The following CACNA1D variants were observed in gnomAD, a reference collection of about 807,000 sequenced individuals.
CACNA1D encodes calcium voltage-gated channel subunit alpha1 D.
A neutral mutation model predicts 257.1 loss-of-function variants in CACNA1D; 55 were observed. The ratio of observed to expected loss-of-function variants is 0.21; its 90% CI spans 0.17 to 0.27. The LOEUF is 0.27. Ranked by LOEUF, CACNA1D falls within the 10% of genes least tolerant of loss-of-function variation. CACNA1D has a pLI of 1.00. For missense variants in CACNA1D, 1,876 were observed against 2,784.0 expected (o/e 0.67, Z 7.34); for synonymous variants, 980 against 1,014.9 (o/e 0.97, Z 0.65).
intron 3 of CACNA1D, among the ~76,000 whole-genome samples, chr3:53,572,522 C>T (rs1258571327): frequency 6.6e-6 from 1 of 152,100 alleles, no homozygotes; most frequent in East Asian, 1.9e-4. Context: ...ACCTCAGCCT[C>T]CTGAGTAGCT....
At chr3:53,691,710 ATATATAT>A (rs2094521993) in intron 8 of CACNA1D, among the ~76,000 whole-genome samples, 1 of 50,036 alleles carries the variant, frequency 2.0e-5, no homozygotes, top group Non-Finnish European at 3.7e-5. Flanking sequence ...TACATATATA[ATATATAT>A]ATTACATATA....
chr3:53,602,394 G>C (rs565570648), intron 3 of CACNA1D, among the ~76,000 whole-genome samples: 1 of 152,268 alleles, frequency 6.6e-6, no homozygotes, highest in East Asian at 1.9e-4. Context: ...TTTGACTCTT[G>C]TGAATAATGC....
chr3:53,781,710 T>C, intron 39 of CACNA1D, 43 bp downstream of exon 39: 3 of 1,280,512 alleles, frequency 2.3e-6, no homozygotes, highest in Non-Finnish European at 3.4e-6. Flanking sequence ...GCCAGTGCTT[T>C]GGTTTTAATG....
intron 8 of CACNA1D, among the ~76,000 whole-genome samples, chr3:53,677,385 A>G (rs1159654884): frequency 6.6e-6 from 1 of 152,252 alleles, no homozygotes; most frequent in African/African-American, 2.4e-5. Context: ...TCAGGATATC[A>G]GCGACATCCT....
At chr3:53,575,526 G>A (rs1186047620) in intron 3 of CACNA1D, among the ~76,000 whole-genome samples, 2 of 152,142 alleles carry the variant, frequency 1.3e-5, no homozygotes, top group African/African-American at 4.8e-5. Flanking sequence ...CTAGAGATAC[G>A]AGTACATGGC....
At position 53,803,450 on chromosome 3, in the gene CACNA1D, A is replaced by G. The variant is rs1231993555; in HGVS notation, c.5463A>G (p.Pro1821=). Residue 1821 remains proline, a synonymous_variant, in exon 44 of 48, where the codon CCA becomes CCG. Transcript: ENST00000350061. ...IRSDSGDEQL[P]TICREDPEIH... The stretch of plus-strand genomic sequence containing the variant: ...CCGACTCAGGAGATGAACAGCTCCC[A>G]ACTATTTGCCGGGAAGACCCAGAGA... The G allele has an allele frequency of 6.2e-7, 1 of 1,614,232 alleles. No individual in the cohort carries two copies. Among genetic ancestry groups the G allele is most frequent in the East Asian group, 2.2e-5 (1 of 44,874 alleles).
chr3:53,809,130 C>T, intron 46 of CACNA1D: 2 of 268,120 alleles, frequency 7.5e-6, no homozygotes, highest in East Asian at 9.0e-5. Flanking sequence ...ACAAGCGGTG[C>T]AGCCCTTCAT....
At chr3:53,542,749 C>G (rs2092325628) in intron 3 of CACNA1D, among the ~76,000 whole-genome samples, 1 of 152,032 alleles carries the variant, frequency 6.6e-6, no homozygotes, top group African/African-American at 2.4e-5. Context: ...CAGTGCTACT[C>G]AGGGGCTCTT....
chr3:53,651,366 C>CTTTTTTTTTTTTTTTTTTTTTTTTTTTT lies in CACNA1D; in HGVS notation c.623+470_623+471insTTTTTTTTTTTTTTTTTTTTTTTTTTTT, dbSNP rs779207160. ...TCCCTTGAGCAAAGCTATTAATTTTCTTTTTTTTTTTTTTTTTTTTTTGCT... is the reference window on the plus strand; with the variant it reads ...TCCCTTGAGCAAAGCTATTAATTTTCTTTTTTTTTTTTTTTTTTTTTTTTTTTTTTTTTTTTTTTTTTTTTTTTTTGCT... On this transcript the variant is annotated intron_variant, in intron 4 of 47. Coordinates refer to ENST00000350061, the MANE Select transcript of CACNA1D (RefSeq NM_001128840.3). Among the ~76,000 whole-genome samples the CTTTTTTTTTTTTTTTTTTTTTTTTTTTT allele has an allele frequency of 1.2e-4, 10 of 81,850 alleles. 1 individual carries two copies. The highest frequency in any genetic ancestry group is 7.9e-4 in the East Asian group (2 of 2,536). 53.7% of individuals were successfully genotyped at this position (81,850 alleles called of 152,430 possible).
At chr3:53,508,308 A>G (rs931925023) in intron 3 of CACNA1D, among the ~76,000 whole-genome samples, 1 of 151,842 alleles carries the variant, frequency 6.6e-6, no homozygotes, top group African/African-American at 2.4e-5. Flanking sequence ...TCTTCCTCCC[A>G]CATTTCTTTT....
intron 3 of CACNA1D, among the ~76,000 whole-genome samples, chr3:53,548,006 A>G (rs529750419): frequency 6.6e-6 from 1 of 152,340 alleles, no homozygotes; most frequent in South Asian, 2.1e-4. Flanking sequence ...AGGGAGGATT[A>G]TCCCAGATTT....
intron 3 of CACNA1D, among the ~76,000 whole-genome samples, chr3:53,601,151 C>A (rs1336629699): frequency 6.6e-6 from 1 of 152,194 alleles, no homozygotes; most frequent in African/African-American, 2.4e-5. Context: ...GTGCCACTTT[C>A]AGGCTGTGTG....
At chr3:53,768,250 C>CAAAGTTGTA (rs1165233246) in intron 30 of CACNA1D, among the ~76,000 whole-genome samples, 1 of 152,142 alleles carries the variant, frequency 6.6e-6, no homozygotes, top group Non-Finnish European at 1.5e-5. Context: ...TACTGTCTTG[C>CAAAGTTGTA]AGGTCTGATA....
chr3:53,567,457 G>T (rs1392487770), intron 3 of CACNA1D, among the ~76,000 whole-genome samples: 1 of 152,162 alleles, frequency 6.6e-6, no homozygotes, highest in African/African-American at 2.4e-5. Flanking sequence ...AGTCTCTTCT[G>T]AGTAAATTAC....
chr3:53,702,203 C>T (rs2094633173), intron 8 of CACNA1D, among the ~76,000 whole-genome samples: 1 of 152,198 alleles, frequency 6.6e-6, no homozygotes. Context: ...TGTCCAAAAG[C>T]ATTGAAGAAG....
At chr3:53,553,337 G>A (rs889161256) in intron 3 of CACNA1D, among the ~76,000 whole-genome samples, 2 of 152,114 alleles carry the variant, frequency 1.3e-5, no homozygotes, top group Non-Finnish European at 1.5e-5. Context: ...TGTTGCTGCC[G>A]CTGCCCGTCT....
intron 8 of CACNA1D, among the ~76,000 whole-genome samples, chr3:53,694,318 C>A (rs2094554535): frequency 6.6e-6 from 1 of 152,162 alleles, no homozygotes; most frequent in African/African-American, 2.4e-5. Context: ...GAGTGAGGGA[C>A]AGCAGGTGGA....
At chr3:53,496,048 C>A (rs977782159) in intron 1 of CACNA1D, among the ~76,000 whole-genome samples, 2 of 152,224 alleles carry the variant, frequency 1.3e-5, no homozygotes, top group Non-Finnish European at 2.9e-5. Context: ...TGACTCGACT[C>A]GTCCCCGCTC....
chr3:53,809,654 G>A (rs1476175994), intron 46 of CACNA1D: 1 of 416,622 alleles, frequency 2.4e-6, no homozygotes, highest in African/African-American at 2.0e-5. Flanking sequence ...GCATGAACTG[G>A]GTGGTGTGTT....
Sources: allele counts gnomAD v4.1 joint callset (sites outside exome capture counted in the v4.1 genomes callset), GRCh38; gene constraint gnomAD v4.1.1; transcripts MANE v1.5; gene names NCBI Gene and HGNC (gene_info 2026-07-23, HGNC 2026-07-21).